CRTAC1: variants seen among roughly 807,000 people sequenced by gnomAD.
The protein encoded by CRTAC1 is cartilage acidic protein 1.
A neutral mutation model predicts 67.8 loss-of-function variants in CRTAC1; 37 were observed. That is an observed-to-expected ratio of 0.55 (90% CI 0.42 to 0.72). CRTAC1 has a LOEUF of 0.72. CRTAC1 is among the 30% of genes least tolerant of loss of function. The pLI is 0.00. For synonymous variants in CRTAC1, 348 were observed against 371.0 expected, an observed-to-expected ratio of 0.94 and a Z score of 0.71; for missense variants, 780 against 931.6, an observed-to-expected ratio of 0.84 and a Z score of 2.12.
intron 2 of CRTAC1, among the ~76,000 whole-genome samples, chr10:97,969,508 G>GTGCTT (rs547963690): frequency 3.2e-4 from 49 of 152,262 alleles, no homozygotes; most frequent in Non-Finnish European, 1.3e-4. Flanking sequence ...GGCTGCCAAT[G>GTGCTT]TGCTTTGCTT....
At chr10:97,959,571 G>T (rs2051491457) in intron 2 of CRTAC1, among the ~76,000 whole-genome samples, 1 of 152,170 alleles carries the variant, frequency 6.6e-6, no homozygotes, top group South Asian at 2.1e-4. Context: ...TTAAGGGGAG[G>T]GTATTAAGTA....
At chr10:97,994,874 G>A (rs1463681584) in intron 2 of CRTAC1, among the ~76,000 whole-genome samples, 2 of 152,212 alleles carry the variant, frequency 1.3e-5, no homozygotes, top group African/African-American at 4.8e-5. Flanking sequence ...CCAAGGAGCA[G>A]ATCCGGCCAC....
In CRTAC1 at chr10:98,005,096, A is replaced by ATTTTTTTTTTT. The variant is rs1247445698; in HGVS notation, c.224+6041_224+6042insAAAAAAAAAAA. Among the ~76,000 whole-genome samples the ATTTTTTTTTTT allele has an allele frequency of 4.5e-4, 15 of 33,006 alleles. 1 individual carries two copies. The highest frequency in any genetic ancestry group is 1.2e-3 in the East Asian group (1 of 860). 21.7% of individuals were successfully genotyped at this position (33,006 alleles called of 152,430 possible). ...TAAAGTAATACATATATATATATATATATATTTTTTTTTTTTTTTTTTTTT... is the reference window on the plus strand; with the variant it reads ...TAAAGTAATACATATATATATATATATTTTTTTTTTTTATATTTTTTTTTTTTTTTTTTTTT... On this transcript the variant is annotated intron_variant, in intron 2 of 14. Transcript: ENST00000370597.
chr10:97,897,863 G>A (rs912703673), intron 8 of CRTAC1, among the ~76,000 whole-genome samples: 5 of 152,168 alleles, frequency 3.3e-5, no homozygotes, highest in Non-Finnish European at 5.9e-5. Context: ...AATTGGCATC[G>A]CACTTCCTAC....
chr10:97,968,968 T>C (rs2051662472), intron 2 of CRTAC1, among the ~76,000 whole-genome samples: 1 of 152,192 alleles, frequency 6.6e-6, no homozygotes, highest in South Asian at 2.1e-4. Flanking sequence ...GATACTGGAA[T>C]TTCTCAGTCA....
At chr10:97,917,192 A>T (rs533491009) in intron 5 of CRTAC1, among the ~76,000 whole-genome samples, 1 of 152,366 alleles carries the variant, frequency 6.6e-6, no homozygotes, top group Non-Finnish European at 1.5e-5. Flanking sequence ...TACCAGAGGC[A>T]GTGGGGCAAG....
At chr10:97,918,145 C>T (rs377269247) in intron 4 of CRTAC1, among the ~76,000 whole-genome samples, 8 of 152,300 alleles carry the variant, frequency 5.3e-5, no homozygotes, top group Middle Eastern at 3.4e-3. Context: ...TCCCACCCCG[C>T]GCTTCTTCAT....
intron 2 of CRTAC1, among the ~76,000 whole-genome samples, chr10:97,988,789 C>T (rs1191617823): frequency 1.3e-5 from 2 of 152,196 alleles, no homozygotes; most frequent in Non-Finnish European, 2.9e-5. Context: ...ACATGTCAGA[C>T]ATAGGACCAA....
intron 2 of CRTAC1, among the ~76,000 whole-genome samples, chr10:97,972,110 G>A (rs1407037457): frequency 2.0e-5 from 3 of 152,178 alleles, no homozygotes; most frequent in Admixed American, 2.0e-4. Flanking sequence ...CTAACCATAT[G>A]CCCAGAGAAA....
intron 2 of CRTAC1, among the ~76,000 whole-genome samples, chr10:98,009,532 C>T (rs1842866714): frequency 6.6e-6 from 1 of 152,152 alleles, no homozygotes; most frequent in South Asian, 2.1e-4. Context: ...TTTCAATATG[C>T]CCATTTTACT....
intron 2 of CRTAC1, among the ~76,000 whole-genome samples, chr10:98,005,102 T>A (rs11189463): frequency 0.056 from 1,758 of 31,436 alleles, 9 homozygotes; most frequent in South Asian, 0.12. Flanking sequence ...ATATATATAT[T>A]TTTTTTTTTT....
intron 2 of CRTAC1, among the ~76,000 whole-genome samples, chr10:97,954,412 C>T (rs1020217556): frequency 2.0e-5 from 3 of 152,122 alleles, no homozygotes; most frequent in South Asian, 2.1e-4. Context: ...ATCACTGACT[C>T]GACGTTGTGA....
intron 1 of CRTAC1, among the ~76,000 whole-genome samples, chr10:98,027,714 C>T (rs1843266267): frequency 6.6e-6 from 1 of 152,238 alleles, no homozygotes; most frequent in South Asian, 2.1e-4. Context: ...CTCACCTCCT[C>T]ACTCTGAAAA....
intron 2 of CRTAC1, among the ~76,000 whole-genome samples, chr10:98,010,291 C>T (rs1013526047): frequency 2.0e-5 from 3 of 152,140 alleles, no homozygotes; most frequent in Non-Finnish European, 4.4e-5. Flanking sequence ...TCACCCATCT[C>T]GGCCTCCTAA....
intron 14 of CRTAC1, among the ~76,000 whole-genome samples, chr10:97,873,937 A>G (rs11189416): frequency 0.18 from 27,047 of 152,154 alleles, 2,989 homozygotes; most frequent in Middle Eastern, 0.3. Flanking sequence ...AGGACCAAGT[A>G]TGGTTCTTCT....
chr10:97,954,733 T>C (rs911686260), intron 2 of CRTAC1, among the ~76,000 whole-genome samples: 2 of 152,214 alleles, frequency 1.3e-5, no homozygotes, highest in African/African-American at 4.8e-5. Flanking sequence ...CAGAAACTTA[T>C]CCTGTCACAG....
chr10:97,865,814 T>C, intron 14 of CRTAC1, 100 bp from the exon 15 acceptor site: 1 of 413,014 alleles, frequency 2.4e-6, no homozygotes, highest in Non-Finnish European at 4.4e-6. Flanking sequence ...CTCACCCTGC[T>C]GCCCGGGGTG....
At chr10:97,948,541 C>G (rs534729855) in intron 2 of CRTAC1, among the ~76,000 whole-genome samples, 1 of 152,190 alleles carries the variant, frequency 6.6e-6, no homozygotes, top group South Asian at 2.1e-4. Flanking sequence ...AGGAAAAGAC[C>G]TAGGAGAGGC....
At chr10:98,013,985 C>T (rs1202680705) in intron 1 of CRTAC1, among the ~76,000 whole-genome samples, 43 of 152,220 alleles carry the variant, frequency 2.8e-4, no homozygotes, top group Non-Finnish European at 2.9e-5. Flanking sequence ...CTCTGCCATG[C>T]CAAAGGCACC....
Sources: allele counts gnomAD v4.1 joint callset (sites outside exome capture counted in the v4.1 genomes callset), GRCh38; gene constraint gnomAD v4.1.1; transcripts MANE v1.5; gene names NCBI Gene and HGNC (gene_info 2026-07-23, HGNC 2026-07-21).